VTI1A: variants seen among roughly 807,000 people sequenced by gnomAD.
The protein encoded by VTI1A is vesicle transport through interaction with t-SNAREs homolog 1A.
A neutral mutation model predicts 34.9 loss-of-function variants in VTI1A; 22 were observed. The observed-to-expected ratio is 0.63, with a 90% CI of 0.45 to 0.90. The LOEUF (loss-of-function observed/expected upper bound fraction) is 0.90, where lower values mean the gene tolerates loss of function less well. Ranked by LOEUF, VTI1A falls within the 40% of genes least tolerant of loss-of-function variation. The pLI is 0.00. For missense variants in VTI1A, 268 were observed against 275.6 expected (o/e 0.97, Z 0.20); for synonymous variants, 87 against 97.3 (o/e 0.89, Z 0.62).
chr10:112,772,298 C>T (rs530906237), intron 7 of VTI1A, among the ~76,000 whole-genome samples: 44 of 152,284 alleles, frequency 2.9e-4, no homozygotes, highest in African/African-American at 9.4e-4. Flanking sequence ...TTTCACGAGT[C>T]CTAATGATGT....
At position 112,699,097 on chromosome 10, in the gene VTI1A, G is replaced by T. The variant is rs114865119; in HGVS notation, c.560+30099G>T. 7.1e-3 allele frequency among the ~76,000 whole-genome samples: 1,074 copies of T among 152,326 alleles called. 12 individuals are homozygous for T. The highest frequency in any genetic ancestry group is 0.025 in the African/African-American group (1,038 of 41,554). On this transcript the variant is annotated intron_variant, in intron 7 of 7. Coordinates refer to ENST00000393077, the MANE Select transcript of VTI1A (RefSeq NM_145206.4). ...GCCAAGCTCTAAAGTCTTAACTCAT[G>T]ACCAGATGTAGAGTTGAAATGATTT... is the stretch of plus-strand genomic sequence containing the variant.
intron 7 of VTI1A, among the ~76,000 whole-genome samples, chr10:112,705,266 C>T (rs1281160380): frequency 6.6e-6 from 1 of 152,054 alleles, no homozygotes; most frequent in Admixed American, 6.5e-5. Context: ...CAGTAGCTAA[C>T]TTAAGCAGAA....
chr10:112,565,032 C>A (rs112303873), intron 5 of VTI1A, among the ~76,000 whole-genome samples: 25 of 152,090 alleles, frequency 1.6e-4, no homozygotes, highest in Middle Eastern at 3.4e-3. Flanking sequence ...AACAGCTCCC[C>A]CTCTTATATT....
rs117289960 is a variant in VTI1A, at chr10:112,654,962, G to A, written c.428-13256G>A. 7.8e-3 allele frequency among the ~76,000 whole-genome samples: 1,189 copies of A among 152,248 alleles called. 8 individuals carry two copies. The highest frequency in any genetic ancestry group is 0.013 in the Non-Finnish European group (871 of 68,026). On this transcript the variant is annotated intron_variant, in intron 5 of 7. Coordinates refer to ENST00000393077, the MANE Select transcript of VTI1A (RefSeq NM_145206.4). Reference sequence around the variant, plus strand: ...CTCTGTAGATTGCTCTGGCTTACACGTGTGTGTGAATAAAACTTTATTTAC... The same window carrying A: ...CTCTGTAGATTGCTCTGGCTTACACATGTGTGTGAATAAAACTTTATTTAC...
At chr10:112,697,689 C>T (rs2133892992) in intron 7 of VTI1A, among the ~76,000 whole-genome samples, 1 of 152,212 alleles carries the variant, frequency 6.6e-6, no homozygotes, top group East Asian at 1.9e-4. Flanking sequence ...AGCCACCGCG[C>T]CCAGCCTTGT....
intron 5 of VTI1A, among the ~76,000 whole-genome samples, chr10:112,629,876 A>G (rs1174194447): frequency 2.0e-5 from 3 of 152,208 alleles, no homozygotes; most frequent in Non-Finnish European, 4.4e-5. Flanking sequence ...GCCATATGCC[A>G]TTCATAAGTC....
intron 3 of VTI1A, among the ~76,000 whole-genome samples, chr10:112,496,687 C>T (rs1849038342): frequency 6.6e-6 from 1 of 152,156 alleles, no homozygotes; most frequent in Non-Finnish European, 1.5e-5. Context: ...CATTCAAATA[C>T]TCTTGATAAT....
chr10:112,494,716 C>T (rs183812121), intron 3 of VTI1A, among the ~76,000 whole-genome samples: 1 of 152,178 alleles, frequency 6.6e-6, no homozygotes, highest in African/African-American at 2.4e-5. Flanking sequence ...ACCATGTTGG[C>T]CAGGACAGGA....
At chr10:112,783,414 C>CACACACAT (rs1360361616) in intron 7 of VTI1A, among the ~76,000 whole-genome samples, 2 of 152,008 alleles carry the variant, frequency 1.3e-5, no homozygotes, top group African/African-American at 4.8e-5. Context: ...CACACACACA[C>CACACACAT]ACACACACAC....
At chr10:112,476,464 T>C (rs1356402070) in intron 3 of VTI1A, among the ~76,000 whole-genome samples, 1 of 152,196 alleles carries the variant, frequency 6.6e-6, no homozygotes, top group Non-Finnish European at 1.5e-5. Context: ...ATGCCTTTTA[T>C]GAACGTACTT....
chr10:112,819,444 G>A (rs183885148), downstream of VTI1A, among the ~76,000 whole-genome samples: 4 of 152,206 alleles, frequency 2.6e-5, no homozygotes, highest in East Asian at 7.7e-4. Context: ...CCTTTGGCTG[G>A]GTGTGTTGTT....
intron 5 of VTI1A, among the ~76,000 whole-genome samples, chr10:112,621,853 G>A (rs752563638): frequency 6.6e-6 from 1 of 152,026 alleles, no homozygotes; most frequent in South Asian, 2.1e-4. Context: ...TTGCACACTC[G>A]TCTCCATTTT....
rs150053497 is a variant in VTI1A at position 112,673,468 on chromosome 10, G to GCACACACACACA, written c.560+4474_560+4485dup. 1.3e-4 allele frequency among the ~76,000 whole-genome samples: 20 copies of GCACACACACACA among 151,562 alleles called. 1 individual carries two copies. The highest frequency in any genetic ancestry group is 3.6e-4 in the African/African-American group (15 of 41,328). On this transcript the variant is annotated intron_variant, in intron 7 of 7. Transcript: ENST00000393077. ...TTCACACACATGCGCGCGTGCGCGCGCACACACACACACACGCACTCAGAT... is the reference window on the plus strand; with the variant it reads ...TTCACACACATGCGCGCGTGCGCGCGCACACACACACACACACACACACACACGCACTCAGAT...
intron 7 of VTI1A, among the ~76,000 whole-genome samples, chr10:112,789,798 T>C (rs1007326237): frequency 6.6e-6 from 1 of 152,152 alleles, no homozygotes; most frequent in Non-Finnish European, 1.5e-5. Flanking sequence ...CATAATTTCT[T>C]CTAATTCTTT....
intron 5 of VTI1A, among the ~76,000 whole-genome samples, chr10:112,667,899 T>C (rs1011600576): frequency 6.6e-6 from 1 of 152,192 alleles, no homozygotes; most frequent in East Asian, 1.9e-4. Flanking sequence ...AATTCCATGA[T>C]GACAAAATAG....
At chr10:112,562,799 C>T (rs1005275658) in intron 5 of VTI1A, among the ~76,000 whole-genome samples, 1 of 152,056 alleles carries the variant, frequency 6.6e-6, no homozygotes, top group Non-Finnish European at 1.5e-5. Flanking sequence ...TATCCTCATT[C>T]GATAAAAGTG....
intron 7 of VTI1A, among the ~76,000 whole-genome samples, chr10:112,742,974 A>G (rs1338717926): frequency 1.3e-5 from 2 of 151,108 alleles, no homozygotes; most frequent in Admixed American, 6.6e-5. Flanking sequence ...AAGCAAGAGG[A>G]GATTTGCTAA....
the VTI1A span, among the ~76,000 whole-genome samples, chr10:112,840,107 C>T: frequency 6.6e-6 from 1 of 152,064 alleles, no homozygotes; most frequent in Admixed American, 6.5e-5. Flanking sequence ...AAACCAACCC[C>T]TTAGCTACAC....
chr10:112,483,688 A>T (rs2134103870), intron 3 of VTI1A, among the ~76,000 whole-genome samples: 1 of 152,280 alleles, frequency 6.6e-6, no homozygotes, highest in African/African-American at 2.4e-5. Context: ...CAATCAAAAG[A>T]TGGCTCCAGA....
Sources: gnomAD v4.1 joint callset for allele counts (sites outside exome capture counted in the v4.1 genomes callset) on GRCh38, gnomAD v4.1.1 for gene constraint, MANE v1.5 for transcripts, NCBI Gene and HGNC (gene_info 2026-07-23, HGNC 2026-07-21) for gene names.